The following CDH12 variants were observed in gnomAD, a reference collection of about 807,000 sequenced individuals.
The protein encoded by CDH12 is cadherin-12.
CDH12 carries 41 observed loss-of-function variants against 74.1 expected under a neutral mutation model. That is an observed-to-expected ratio of 0.55 (90% CI 0.43 to 0.72). The LOEUF is 0.72. Ranked by LOEUF, CDH12 falls within the 30% of genes least tolerant of loss-of-function variation. The pLI, the probability that CDH12 is intolerant of heterozygous loss-of-function variation, is 0.00. For synonymous variants in CDH12, 399 were observed against 355.0 expected (o/e 1.12, Z -1.39); for missense variants, 945 against 977.2 (o/e 0.97, Z 0.44).
intron 1 of CDH12, among the ~76,000 whole-genome samples, chr5:22,687,131 T>TA (rs1316592591): frequency 6.6e-6 from 1 of 151,982 alleles, no homozygotes; most frequent in South Asian, 2.1e-4. Context: ...CCGTCTGTAC[T>TA]AAAAATACAA....
At chr5:22,227,621 A>G (rs533025817) in intron 3 of CDH12, among the ~76,000 whole-genome samples, 1 of 152,276 alleles carries the variant, frequency 6.6e-6, no homozygotes, top group African/African-American at 2.4e-5. Flanking sequence ...TCTCAGTGCA[A>G]CAGACCTTCT....
intron 1 of CDH12, among the ~76,000 whole-genome samples, chr5:22,742,018 T>C (rs1745051191): frequency 1.3e-5 from 2 of 151,944 alleles, no homozygotes; most frequent in East Asian, 3.9e-4. Context: ...CTGTCTCTAC[T>C]AAAAATACAA....
At chr5:22,270,602 A>ATAT (rs1005692981) in intron 3 of CDH12, among the ~76,000 whole-genome samples, 6 of 128,568 alleles carry the variant, frequency 4.7e-5, no homozygotes, top group Admixed American at 7.7e-5. Flanking sequence ...CTCAAAAAAA[A>ATAT]AAATATATAT....
intron 6 of CDH12, among the ~76,000 whole-genome samples, chr5:21,928,057 G>A (rs1334224660): frequency 6.6e-6 from 1 of 151,916 alleles, no homozygotes; most frequent in African/African-American, 2.4e-5. Flanking sequence ...GGGAGACAGA[G>A]CGAGACTCTT....
At chr5:22,382,092 T>A (rs950583347) in intron 3 of CDH12, among the ~76,000 whole-genome samples, 1 of 146,600 alleles carries the variant, frequency 6.8e-6, no homozygotes, top group Non-Finnish European at 1.5e-5. Context: ...AGAAATATGA[T>A]ATAAAATAAT....
At chr5:22,393,789 G>T (rs1742344021) in intron 3 of CDH12, among the ~76,000 whole-genome samples, 1 of 152,100 alleles carries the variant, frequency 6.6e-6, no homozygotes, top group Non-Finnish European at 1.5e-5. Context: ...ACTGTTAAAT[G>T]CACAATGGAG....
At chr5:22,193,113 T>A (rs1183124172) in intron 4 of CDH12, among the ~76,000 whole-genome samples, 1 of 152,208 alleles carries the variant, frequency 6.6e-6, no homozygotes, top group Non-Finnish European at 1.5e-5. Context: ...TATTTTAGCT[T>A]CTCTGACTCA....
intron 4 of CDH12, among the ~76,000 whole-genome samples, chr5:22,194,308 C>CTTTTTTTTTT (rs59899245): frequency 2.8e-4 from 39 of 139,772 alleles, no homozygotes; most frequent in East Asian, 1.3e-3. Context: ...CTTTTTCTTT[C>CTTTTTTTTTT]TTTTTTTTTT....
chr5:22,838,322 C>G (rs1736924091), intron 1 of CDH12, among the ~76,000 whole-genome samples: 1 of 152,116 alleles, frequency 6.6e-6, no homozygotes, highest in African/African-American at 2.4e-5. Context: ...CCCAGATTTT[C>G]TTGCCAACTT....
intron 1 of CDH12, among the ~76,000 whole-genome samples, chr5:22,851,792 T>A (rs1181584755): frequency 6.6e-6 from 1 of 152,142 alleles, no homozygotes; most frequent in Non-Finnish European, 1.5e-5. Context: ...AAAAACTTAC[T>A]CGGTTGAATT....
At chr5:22,674,079 C>A (rs1364797151) in intron 1 of CDH12, among the ~76,000 whole-genome samples, 3 of 152,064 alleles carry the variant, frequency 2.0e-5, no homozygotes, top group Non-Finnish European at 4.4e-5. Flanking sequence ...TTATAAGGGC[C>A]AGAACACACA....
At chr5:22,321,411 G>T (rs1018332661) in intron 3 of CDH12, among the ~76,000 whole-genome samples, 5 of 140,516 alleles carry the variant, frequency 3.6e-5, no homozygotes, top group Non-Finnish European at 7.6e-5. Context: ...ACCAAACACC[G>T]CATATTCTCA....
chr5:22,814,257 G>T (rs961741262), intron 1 of CDH12, among the ~76,000 whole-genome samples: 1 of 152,094 alleles, frequency 6.6e-6, no homozygotes, highest in African/African-American at 2.4e-5. Context: ...CAGTCAACTT[G>T]AAATGACAAA....
rs759714350 is a variant in CDH12 at position 21,751,987 on chromosome 5, T to G, written c.2135A>C (p.Asp712Ala). 1 of 1,614,120 alleles carries G rather than the reference T, an allele frequency of 6.2e-7. No individual in the cohort carries two copies. The highest frequency in any genetic ancestry group is 1.1e-5 in the South Asian group (1 of 91,086). The change falls in exon 15 of 15, where the codon GAC (aspartate) becomes GCC (alanine). Residue 712 changes from aspartate to alanine, a missense_variant. Physicochemically the swap from Asp to Ala is moderately radical, Grantham distance 126. This residue lies in a region of CDH12 where 791 missense variants were observed against 792.8 expected (regional missense o/e 1.00). Transcript: ENST00000382254. ...RQRPPMEDNT[D>A]IRDFIHQRLQ... ...CCTTTGATGAATGAAATCCCTTATG[T>G]CTGTGTTATCTTCCATGGGTGGTCT...
chr5:22,149,966 C>T (rs1344577596), intron 4 of CDH12, among the ~76,000 whole-genome samples: 2 of 152,042 alleles, frequency 1.3e-5, no homozygotes, highest in Non-Finnish European at 1.5e-5. Flanking sequence ...TGCACTCCAG[C>T]CTGGGTGACA....
chr5:21,802,235 G>A lies in CDH12; in HGVS notation c.1188C>T (p.Asp396=). 6.2e-7 allele frequency: 1 copy of A among 1,613,816 alleles called. No individual in the cohort carries two copies. The highest frequency in any genetic ancestry group is 8.5e-7 in the Non-Finnish European group (1 of 1,179,858). Residue 396 remains aspartate (D), a synonymous_variant, in exon 10 of 15, where the codon GAC becomes GAT. Transcript: ENST00000382254. ...KPLYTMEVYE[D]TPVGTIIGAV... is the part of the protein sequence containing the mutation. The stretch of plus-strand genomic sequence containing the variant: ...CGCCAATGATGGTCCCTACCGGAGT[G>A]TCTTCATAAACCTCCATGGTGTAGA...
chr5:21,799,619 A>T (rs1262502820), intron 10 of CDH12, among the ~76,000 whole-genome samples: 1 of 151,362 alleles, frequency 6.6e-6, no homozygotes, highest in African/African-American at 2.5e-5. Context: ...GTAAAATGAA[A>T]GAAGATCATC....
intron 1 of CDH12, among the ~76,000 whole-genome samples, chr5:22,514,471 A>G (rs1051559828): frequency 1.3e-5 from 2 of 152,126 alleles, no homozygotes; most frequent in African/African-American, 4.8e-5. Context: ...GGTGGATTGG[A>G]GAAAACCAGA....
chr5:22,277,364 G>A lies in CDH12; in HGVS notation c.-332-64721C>T, dbSNP rs138945919. ...CACTTCATCAACCTCTTCTAGAGTG[G>A]ACTTGGGCCCTGAGGACCCTGGCTT... On this transcript the variant is annotated intron_variant, in intron 3 of 14. Coordinates refer to ENST00000382254, the MANE Select transcript of CDH12 (RefSeq NM_004061.5). 2.6e-5 allele frequency among the ~76,000 whole-genome samples: 4 copies of A among 152,280 alleles called. No homozygotes were observed. The East Asian group carries it at 5.8e-4, about 22-fold the overall frequency.
Sources: gnomAD v4.1 joint callset for allele counts (sites outside exome capture counted in the v4.1 genomes callset) on GRCh38, gnomAD v4.1.1 for gene constraint, gnomAD v4.1.1 regional missense constraint, MANE v1.5 for transcripts, NCBI Gene and HGNC (gene_info 2026-07-23, HGNC 2026-07-21) for gene names.